The following NFIX variants were observed in gnomAD, a reference collection of about 807,000 sequenced individuals.
NFIX encodes nuclear factor I X, also known as nuclear factor 1 X-type.
NFIX carries 2 observed loss-of-function variants against 53.3 expected under a neutral mutation model. The observed-to-expected ratio is 0.04, with a 90% CI of 0.02 to 0.12. The LOEUF (loss-of-function observed/expected upper bound fraction) is 0.12, where lower values mean the gene tolerates loss of function less well. NFIX is among the 10% of genes least tolerant of loss of function. The pLI, the probability that NFIX is intolerant of heterozygous loss-of-function variation, is 1.00. For synonymous variants in NFIX, 244 were observed against 289.0 expected, an observed-to-expected ratio of 0.84 and a Z score of 1.58; for missense variants, 310 against 674.5, an observed-to-expected ratio of 0.46 and a Z score of 5.99.
chr19:13,084,249 A>G (rs2017642563), intron 8 of NFIX, among the ~76,000 whole-genome samples: 2 of 152,160 alleles, frequency 1.3e-5, no homozygotes, highest in African/African-American at 4.8e-5. Context: ...GTTCGAGACC[A>G]GCCTGGGCAA....
Position 12,996,441 on chromosome 19 carries a change from C to T in NFIX, c.27+577C>T, listed in dbSNP as rs1421100922. 6.6e-6 allele frequency among the ~76,000 whole-genome samples: 1 copy of T among 151,836 alleles called. No individual in the cohort carries two copies. The highest frequency in any genetic ancestry group is 1.5e-5 in the Non-Finnish European group (1 of 67,956). On this transcript the variant is annotated intron_variant, in intron 1 of 10. Transcript: ENST00000592199. The surrounding 1 kb of genome is among the most constrained non-coding windows in gnomAD (Gnocchi z 5.2). ...GGGGTGGGCCGAGCGGCCCGGGCGT[C>T]TCCCCAAAGTCTTTGTTTAGGCCTC...
At chr19:13,024,883 GGGAGGA>G in intron 1 of NFIX, 132 bp from the exon 2 acceptor site, 2 of 1,323,892 alleles carry the variant, frequency 1.5e-6, no homozygotes, top group Non-Finnish European at 2.1e-6. Flanking sequence ...GTTGGGGGGA[GGGAGGA>G]GGAGGAGAAG....
intron 2 of NFIX, among the ~76,000 whole-genome samples, chr19:13,046,532 A>G (rs1482019770): frequency 1.3e-5 from 2 of 150,982 alleles, no homozygotes; most frequent in Non-Finnish European, 2.9e-5. Flanking sequence ...TTCCTTGCAT[A>G]CACTCTTTTT....
intron 1 of NFIX, among the ~76,000 whole-genome samples, chr19:13,018,444 G>A (rs1451393824): frequency 6.6e-6 from 1 of 150,436 alleles, no homozygotes; most frequent in Non-Finnish European, 1.5e-5. Flanking sequence ...CATTCAGCCA[G>A]CATGAGGACA....
intron 1 of NFIX, among the ~76,000 whole-genome samples, chr19:13,015,808 ACACACG>A (rs3046156): frequency 2.3e-4 from 34 of 150,810 alleles, no homozygotes; most frequent in Admixed American, 4.6e-4. Flanking sequence ...ACACACACAC[ACACACG>A]CACACGCACA....
chr19:13,057,938 T>C (rs1342595815), intron 2 of NFIX, among the ~76,000 whole-genome samples: 1 of 152,082 alleles, frequency 6.6e-6, no homozygotes, highest in Non-Finnish European at 1.5e-5. Context: ...CCTTCTCCCA[T>C]CTTTTTGGCT....
chr19:13,007,638 G>A (rs1415691620), intron 1 of NFIX, among the ~76,000 whole-genome samples: 1 of 152,146 alleles, frequency 6.6e-6, no homozygotes, highest in Non-Finnish European at 1.5e-5. Context: ...GGGGAACCAA[G>A]CCTCGCCTTC....
At chr19:13,029,160 C>T (rs1443100583) in intron 2 of NFIX, among the ~76,000 whole-genome samples, 1 of 152,144 alleles carries the variant, frequency 6.6e-6, no homozygotes, top group Non-Finnish European at 1.5e-5. Context: ...CAGATCACGG[C>T]CAATCTCAAT....
rs1157016045 is a variant in NFIX, at chr19:13,060,820, CGCCCGCCCGGGAGGGTGT to C, written c.560-12216_560-12199del. Among the ~76,000 whole-genome samples, 13 of 151,148 alleles carry C rather than the reference CGCCCGCCCGGGAGGGTGT, an allele frequency of 8.6e-5. No homozygotes were observed. The highest frequency in any genetic ancestry group is 2.4e-4 in the African/African-American group (10 of 41,162). On this transcript the variant is annotated intron_variant, in intron 2 of 10. Coordinates refer to ENST00000592199, the MANE Select transcript of NFIX (RefSeq NM_001365902.3). The surrounding 1 kb of genome is among the most constrained non-coding windows in gnomAD (Gnocchi z 4.3). ...AGCGGAACAAAGGGGCCTTTCTCCA[CGCCCGCCCGGGAGGGTGT>C]GCCCGCCCGGCTGCTGCCGCCACTG...
At position 12,997,170 on chromosome 19, in the gene NFIX, G is replaced by T. The variant is rs2011500259; in HGVS notation, c.27+1306G>T. 2.0e-5 allele frequency among the ~76,000 whole-genome samples: 3 copies of T among 152,228 alleles called. No homozygotes were observed. In the South Asian group the frequency reaches 6.2e-4, roughly 32 times the overall value. On this transcript the variant is annotated intron_variant, in intron 1 of 10. Transcript: ENST00000592199. ...TCCACATGGGTATGGCTCCTACTTT[G>T]TCTGGGTCCTACCGGGAGTGTGCAG...
Position 13,028,648 on chromosome 19 carries a change from C to T in NFIX, c.559+3096C>T, listed in dbSNP as rs1461325353. 4.6e-5 allele frequency among the ~76,000 whole-genome samples: 7 copies of T among 152,106 alleles called. No individual in the cohort carries two copies. The highest frequency in any genetic ancestry group is 4.6e-4 in the Admixed American group (7 of 15,272). On this transcript the variant is annotated intron_variant, in intron 2 of 10. Transcript: ENST00000592199. The surrounding 1 kb of genome is among the most constrained non-coding windows in gnomAD (Gnocchi z 4.2). Reference sequence around the variant, plus strand: ...GGAAGGAGTCTGTCTGTGTGTCTGTCTGTGTTTAGGAAGGGAGGTTGAGGC... The same window carrying T: ...GGAAGGAGTCTGTCTGTGTGTCTGTTTGTGTTTAGGAAGGGAGGTTGAGGC...
chr19:13,040,689 C>T lies in NFIX; in HGVS notation c.559+15137C>T, dbSNP rs2014556462. Among the ~76,000 whole-genome samples the T allele has an allele frequency of 6.6e-6, 1 of 152,136 alleles. No individual in the cohort carries two copies. The highest frequency in any genetic ancestry group is 2.4e-5 in the African/African-American group (1 of 41,430). On this transcript the variant is annotated intron_variant, in intron 2 of 10. Coordinates refer to ENST00000592199, the MANE Select transcript of NFIX (RefSeq NM_001365902.3). This position sits in a 1 kb window ranked among gnomAD's most constrained non-coding sequence, Gnocchi z 4.2. ...CCAGCTGGTACATGTGCTTGCGGCT[C>T]TGGTAGCTGGGTTTGGTTATTAACA...
At chr19:13,031,645 C>T (rs932665176) in intron 2 of NFIX, among the ~76,000 whole-genome samples, 1 of 152,172 alleles carries the variant, frequency 6.6e-6, no homozygotes, top group Non-Finnish European at 1.5e-5. Flanking sequence ...AGAAGGCTTC[C>T]TCCCGTAGGC....
chr19:12,997,424 G>A (rs1217336979), intron 1 of NFIX, among the ~76,000 whole-genome samples: 7 of 152,214 alleles, frequency 4.6e-5, no homozygotes, highest in Admixed American at 1.3e-4. Context: ...GGGCGCACCG[G>A]CATGCATACA....
At position 13,090,340 on chromosome 19, in the gene NFIX, A is replaced by G. The variant is rs2018056517; in HGVS notation, c.1444A>G (p.Ser482Gly). The change falls in exon 10 of 11, where the codon AGC (serine) becomes GGC (glycine). Residue 482 changes from serine (S) to glycine (G), a missense_variant. Physicochemically the swap from Ser to Gly is moderately conservative, Grantham distance 56 (BLOSUM62 0). Transcript: ENST00000592199. This position sits in a 1 kb window ranked among gnomAD's most constrained non-coding sequence, Gnocchi z 6.6. ...TGASSANRFV[S>G]IGPRDGNFLN... ...CGCCTCCTCTGCCAACCGGTTTGTC[A>G]GCATCGGACCCCGGGACGGCAACTT... 4 of 1,613,950 alleles carry G rather than the reference A, an allele frequency of 2.5e-6. No individual in the cohort carries two copies. The highest frequency in any genetic ancestry group is 3.4e-6 in the Non-Finnish European group (4 of 1,179,880).
At position 13,076,517 on chromosome 19, in the gene NFIX, C is replaced by T. The variant is rs553230957; in HGVS notation, c.955+846C>T. Reference sequence around the variant, plus strand: ...GAGGAGGCTGGCCGCAAGAGTCCCCCGCTGACGTGCCAGTGGTACAGCCCG... The same window carrying T: ...GAGGAGGCTGGCCGCAAGAGTCCCCTGCTGACGTGCCAGTGGTACAGCCCG... On this transcript the variant is annotated intron_variant, in intron 6 of 10. Coordinates refer to ENST00000592199, the MANE Select transcript of NFIX (RefSeq NM_001365902.3). Among the ~76,000 whole-genome samples the T allele has an allele frequency of 1.8e-3, 279 of 152,296 alleles. 1 individual carries two copies. Among genetic ancestry groups the T allele is most frequent in the African/African-American group, 6.3e-3 (263 of 41,564 alleles).
At chr19:13,020,662 A>G (rs1199485967) in intron 1 of NFIX, among the ~76,000 whole-genome samples, 2 of 152,090 alleles carry the variant, frequency 1.3e-5, no homozygotes, top group Non-Finnish European at 2.9e-5. Flanking sequence ...TTCTTCTGTT[A>G]AGAGAGCCTT....
intron 2 of NFIX, among the ~76,000 whole-genome samples, chr19:13,057,475 ACTCGGCTTTCG>A (rs1487549699): frequency 6.6e-6 from 1 of 151,926 alleles, no homozygotes; most frequent in Non-Finnish European, 1.5e-5. Flanking sequence ...CGAGCTGCAG[ACTCGGCTTTCG>A]CTCCCACCAA....
intron 2 of NFIX, among the ~76,000 whole-genome samples, chr19:13,038,830 T>G (rs2014402020): frequency 6.6e-6 from 1 of 152,128 alleles, no homozygotes. Flanking sequence ...GCACCAGAGA[T>G]TTGGCCAGAG....
Sources: gnomAD v4.1 joint callset for allele counts (sites outside exome capture counted in the v4.1 genomes callset) on GRCh38, gnomAD v4.1.1 for gene constraint, Gnocchi (gnomAD v3.1) non-coding constraint, MANE v1.5 for transcripts, NCBI Gene and HGNC (gene_info 2026-07-23, HGNC 2026-07-21) for gene names.